DPYD: variants seen among roughly 807,000 people sequenced by gnomAD.
DPYD encodes the protein dihydropyrimidine dehydrogenase.
Under a neutral mutation model 116.2 loss-of-function variants are expected in DPYD, and 109 were observed. That is an observed-to-expected ratio of 0.94 (90% CI 0.80 to 1.10). The LOEUF is 1.10. Among genes scored for constraint, DPYD ranks in the 50% least tolerant of loss-of-function variants. DPYD has a pLI of 0.00. For synonymous variants in DPYD, 440 were observed against 432.0 expected (o/e 1.02, Z -0.23); for missense variants, 1,302 against 1,254.5 (o/e 1.04, Z -0.57).
intron 13 of DPYD, among the ~76,000 whole-genome samples, chr1:97,482,478 A>G (rs1437138408): frequency 6.6e-6 from 1 of 152,222 alleles, no homozygotes; most frequent in Non-Finnish European, 1.5e-5. Context: ...GAGTGCTAAC[A>G]CAGAAAATGT....
chr1:97,270,495 A>T (rs936081776), intron 18 of DPYD, among the ~76,000 whole-genome samples: 4 of 152,154 alleles, frequency 2.6e-5, no homozygotes, highest in Non-Finnish European at 5.9e-5. Context: ...TTCCCCATTC[A>T]TATGGACCTG....
At chr1:97,807,095 C>T (rs886204799) in intron 3 of DPYD, among the ~76,000 whole-genome samples, 1 of 151,988 alleles carries the variant, frequency 6.6e-6, no homozygotes, top group Non-Finnish European at 1.5e-5. Context: ...CAAAGTCTAA[C>T]AATTATGAAT....
At chr1:97,641,814 C>T (rs1261222834) in intron 8 of DPYD, among the ~76,000 whole-genome samples, 1 of 152,146 alleles carries the variant, frequency 6.6e-6, no homozygotes, top group Non-Finnish European at 1.5e-5. Context: ...CAAATTGTCC[C>T]TGTTTGCAGA....
At chr1:97,594,959 T>C in intron 9 of DPYD, 100 bp downstream of exon 9, 1 of 929,444 alleles carries the variant, frequency 1.1e-6, no homozygotes, top group Non-Finnish European at 1.7e-6. Flanking sequence ...AGGTTGGGTG[T>C]GAGAGCTGAA....
In DPYD at chr1:97,515,593, AT is replaced by A. The variant is rs1648157757; in HGVS notation, c.1740+132del. The A allele has an allele frequency of 7.7e-6, 6 of 777,906 alleles. No homozygotes were observed. The East Asian group carries it at 1.6e-4, about 21-fold the overall frequency. The allele number at this position is 777,906 out of a possible 1,614,324, so 48.2% of individuals were successfully genotyped here. On this transcript the variant is annotated intron_variant, in intron 13 of 22. Transcript: ENST00000370192. ...AAGGAAGGAAAGAAACTAAAGATTA[AT>A]GTGTAATGATAGGTCTTGTCAAATA...
intron 14 of DPYD, among the ~76,000 whole-genome samples, chr1:97,425,688 C>G (rs945951778): frequency 1.7e-4 from 26 of 152,020 alleles, no homozygotes; most frequent in African/African-American, 6.0e-4. Flanking sequence ...TGACATTTTG[C>G]AAACAGACTT....
chr1:97,613,573 C>T (rs573793155), intron 8 of DPYD, among the ~76,000 whole-genome samples: 6 of 152,002 alleles, frequency 3.9e-5, no homozygotes, highest in Non-Finnish European at 7.4e-5. Flanking sequence ...CTGTTTTCAA[C>T]GCATGATCTG....
intron 21 of DPYD, among the ~76,000 whole-genome samples, chr1:97,089,610 T>G (rs964890202): frequency 6.6e-6 from 1 of 152,292 alleles, no homozygotes; most frequent in African/African-American, 2.4e-5. Context: ...CTTCTTTTGA[T>G]ACCCTCTTCT....
chr1:97,883,838 A>AG, intron 1 of DPYD: 1 of 475,718 alleles, frequency 2.1e-6, no homozygotes, highest in South Asian at 1.6e-5. Context: ...GAATCACAAA[A>AG]AAAAAAAGAT....
At chr1:97,313,634 T>A (rs967349484) in intron 16 of DPYD, among the ~76,000 whole-genome samples, 1 of 151,846 alleles carries the variant, frequency 6.6e-6, no homozygotes, top group Non-Finnish European at 1.5e-5. Context: ...TTTTTTCTTA[T>A]TTTTCTCTTT....
At chr1:97,779,436 C>T (rs554520269) in intron 3 of DPYD, among the ~76,000 whole-genome samples, 59 of 152,020 alleles carry the variant, frequency 3.9e-4, no homozygotes, top group African/African-American at 1.3e-3. Flanking sequence ...GTGAAATTTA[C>T]AAGAAGACAA....
intron 16 of DPYD, among the ~76,000 whole-genome samples, chr1:97,338,048 A>G (rs1172619081): frequency 2.5e-4 from 38 of 152,148 alleles, no homozygotes; most frequent in Non-Finnish European, 2.9e-5. Flanking sequence ...CCTGTTTGCT[A>G]AATGTGTCTG....
chr1:97,350,904 C>T (rs953938557), intron 16 of DPYD, among the ~76,000 whole-genome samples: 1 of 152,050 alleles, frequency 6.6e-6, no homozygotes, highest in Non-Finnish European at 1.5e-5. Context: ...AAGGCTGAGT[C>T]TTTTAGTAAT....
intron 13 of DPYD, among the ~76,000 whole-genome samples, chr1:97,510,146 A>T (rs1227958800): frequency 6.6e-6 from 1 of 151,904 alleles, no homozygotes; most frequent in Non-Finnish European, 1.5e-5. Context: ...GGAGAAAACC[A>T]GTAGCCCAGA....
At chr1:97,638,523 G>A (rs980756337) in intron 8 of DPYD, among the ~76,000 whole-genome samples, 6 of 152,074 alleles carry the variant, frequency 3.9e-5, no homozygotes, top group Admixed American at 3.3e-4. Flanking sequence ...AAAGCTCCTG[G>A]TATTGAGTGA....
At chr1:97,903,129 C>T (rs767844767) in intron 1 of DPYD, among the ~76,000 whole-genome samples, 65 of 151,810 alleles carry the variant, frequency 4.3e-4, no homozygotes, top group Non-Finnish European at 8.3e-4. Context: ...GAGCAACATT[C>T]ATACTATTTA....
chr1:97,545,031 C>T (rs1037022826), intron 12 of DPYD, among the ~76,000 whole-genome samples: 3 of 151,776 alleles, frequency 2.0e-5, no homozygotes, highest in Admixed American at 2.0e-4. Flanking sequence ...AATTATAACT[C>T]CACACAAAAG....
intron 8 of DPYD, among the ~76,000 whole-genome samples, chr1:97,660,188 C>A (rs956803587): frequency 1.3e-5 from 2 of 152,004 alleles, no homozygotes; most frequent in Non-Finnish European, 2.9e-5. Flanking sequence ...TTAATTACAA[C>A]CTGAGTATTA....
intron 19 of DPYD, among the ~76,000 whole-genome samples, chr1:97,202,370 C>T (rs989171488): frequency 6.6e-6 from 1 of 151,988 alleles, no homozygotes; most frequent in Non-Finnish European, 1.5e-5. Flanking sequence ...CCCCCTTTTC[C>T]TCCAATTAGG....
Sources: gnomAD v4.1 joint callset for allele counts (sites outside exome capture counted in the v4.1 genomes callset) on GRCh38, gnomAD v4.1.1 for gene constraint, MANE v1.5 for transcripts, NCBI Gene and HGNC (gene_info 2026-07-23, HGNC 2026-07-21) for gene names.